Variants in ACTR1A observed in about 807,000 individuals in gnomAD.
ACTR1A encodes alpha-centractin.
Under a neutral mutation model 50.7 loss-of-function variants are expected in ACTR1A, and 10 were observed. The observed-to-expected ratio is 0.20, with a 90% CI of 0.12 to 0.33. The LOEUF (loss-of-function observed/expected upper bound fraction) is 0.33, where lower values mean the gene tolerates loss of function less well. Among genes scored for constraint, ACTR1A ranks in the 10% least tolerant of loss-of-function variants. The pLI is 1.00. For missense variants in ACTR1A, 253 were observed against 491.7 expected, an observed-to-expected ratio of 0.51 and a Z score of 4.59; for synonymous variants, 177 against 184.2, an observed-to-expected ratio of 0.96 and a Z score of 0.32.
chr10:102,481,147 T>G lies in ACTR1A; in HGVS notation c.1013A>C (p.Tyr338Ser). ...IRISAPQERL[Y>S]STWIGGSILA... ...AGCTACTCACCCAATCCACGTGGAA[T>G]ACAGTCTCTCCTGAGGTGCAGATAT... Residue 338 changes from tyrosine to serine, a missense_variant, in exon 10 of 11, where the codon TAT becomes TCT. Tyr to Ser is a moderately radical substitution (Grantham distance 144). Around this residue, in one of 4 missense-constraint regions of ACTR1A, gnomAD observed 27 missense variants for 80.7 expected, o/e 0.33. Coordinates refer to ENST00000369905, the MANE Select transcript of ACTR1A (RefSeq NM_005736.4). The G allele has an allele frequency of 6.2e-7, 1 of 1,607,852 alleles. No individual in the cohort carries two copies. Among genetic ancestry groups the G allele is most frequent in the Non-Finnish European group, 8.5e-7 (1 of 1,176,650 alleles).
At chr10:102,491,655 C>G (rs1165812159) in intron 1 of ACTR1A, among the ~76,000 whole-genome samples, 3 of 152,232 alleles carry the variant, frequency 2.0e-5, no homozygotes. Context: ...GTTCTCCCAG[C>G]ATCTCAGGTA....
chr10:102,502,052 C>T (rs557558606), intron 1 of ACTR1A, among the ~76,000 whole-genome samples: 3 of 152,220 alleles, frequency 2.0e-5, no homozygotes, highest in Non-Finnish European at 4.4e-5. Context: ...AAAACTTAGC[C>T]GTTCTCCACC....
chr10:102,500,427 G>A (rs759716518), intron 1 of ACTR1A, among the ~76,000 whole-genome samples: 2 of 152,150 alleles, frequency 1.3e-5, no homozygotes, highest in East Asian at 3.9e-4. Flanking sequence ...AAATTAGCCG[G>A]GCGAGGTGAC....
rs1300481651 is a variant in ACTR1A, at chr10:102,481,901, G to A, written c.926-3C>T. 1 of 1,612,892 alleles carries A rather than the reference G, an allele frequency of 6.2e-7. No homozygotes were observed. The highest frequency in any genetic ancestry group is 8.5e-7 in the Non-Finnish European group (1 of 1,180,030). On this transcript the variant is annotated splice_polypyrimidine_tract_variant and splice_region_variant and intron_variant, in intron 8 of 10. Coordinates refer to ENST00000369905, the MANE Select transcript of ACTR1A (RefSeq NM_005736.4). ...ACTCAGGAGCCTGTCACCAAAACCT[G>A]AATGGGCAAAGAGGAGAACTTCAAG...
Position 102,479,616 on chromosome 10 carries a change from C to T in ACTR1A, c.*1247G>A, listed in dbSNP as rs1412529829. 1.6e-6 allele frequency: 2 copies of T among 1,289,454 alleles called. No homozygotes were observed. Among genetic ancestry groups the T allele is most frequent in the South Asian group, 2.5e-5 (2 of 81,028 alleles). The allele number at this position is 1,289,454 out of a possible 1,614,324, so 79.9% of individuals were successfully genotyped here. A position where few individuals can be genotyped will look rare whatever the true frequency, so the allele number is the denominator to read the frequency against. Reference sequence around the variant, plus strand: ...CTGGCACTCTGGTCTGGCCCACTCCCTCCTTAACCAAGCAGGTCCAAGGTC... The same window carrying T: ...CTGGCACTCTGGTCTGGCCCACTCCTTCCTTAACCAAGCAGGTCCAAGGTC... On this transcript the variant is annotated 3_prime_UTR_variant, in exon 11 of 11. Transcript: ENST00000369905. The surrounding 1 kb of genome is among the most constrained non-coding windows in gnomAD (Gnocchi z 4.0).
At chr10:102,481,683 C>T (rs1169180639) in intron 9 of ACTR1A, among the ~76,000 whole-genome samples, 154 bp downstream of exon 9, 1 of 152,194 alleles carries the variant, frequency 6.6e-6, no homozygotes, top group East Asian at 1.9e-4. Context: ...CTGACCTAGA[C>T]CTCAGGGTCA....
At chr10:102,496,958 C>A (rs1378443850) in intron 1 of ACTR1A, among the ~76,000 whole-genome samples, 2 of 151,744 alleles carry the variant, frequency 1.3e-5, no homozygotes, top group African/African-American at 2.4e-5. Flanking sequence ...GCGGGTGGAT[C>A]CTTTGAGGCC....
Position 102,502,691 on chromosome 10 carries a change from G to C in ACTR1A, c.-44C>G, listed in dbSNP as rs769748898. On this transcript the variant is annotated 5_prime_UTR_variant, in exon 1 of 11. Coordinates refer to ENST00000369905, the MANE Select transcript of ACTR1A (RefSeq NM_005736.4). ...TCTGGGGAAGGAACTGCCCAGCCGGGTCCGCCGCTAGCGCCACTGACACGC... is the reference window on the plus strand; with the variant it reads ...TCTGGGGAAGGAACTGCCCAGCCGGCTCCGCCGCTAGCGCCACTGACACGC... 2.5e-6 allele frequency: 4 copies of C among 1,609,440 alleles called. No homozygotes were observed. Among genetic ancestry groups the C allele is most frequent in the Admixed American group, 1.7e-5 (1 of 59,884 alleles).
intron 4 of ACTR1A, among the ~76,000 whole-genome samples, chr10:102,486,530 A>G (rs2062168891): frequency 6.6e-6 from 1 of 152,072 alleles, no homozygotes; most frequent in Non-Finnish European, 1.5e-5. Context: ...TCTCTACTAA[A>G]AATACAAAAT....
chr10:102,488,365 T>C lies in ACTR1A; in HGVS notation c.190-90A>G. ...ACTAAGCAGTGCAAGCTGAATCCCT[T>C]GCAAAGAAGCCTCAGCTTCCTGAGC... On this transcript the variant is annotated intron_variant, in intron 3 of 10. Transcript: ENST00000369905. This position sits in a 1 kb window ranked among gnomAD's most constrained non-coding sequence, Gnocchi z 4.4. 1 of 1,549,640 alleles carries C rather than the reference T, an allele frequency of 6.5e-7. No individual in the cohort carries two copies. Among genetic ancestry groups the C allele is most frequent in the Admixed American group, 1.7e-5 (1 of 58,370 alleles).
At chr10:102,493,472 T>A (rs1303663210) in intron 1 of ACTR1A, among the ~76,000 whole-genome samples, 1 of 152,216 alleles carries the variant, frequency 6.6e-6, no homozygotes, top group Non-Finnish European at 1.5e-5. Flanking sequence ...GCAAAAGGAC[T>A]AGAGTCTGGG....
rs763201310 is a variant in ACTR1A, at chr10:102,483,041, C to T, written c.720G>A (p.Gln240=). ...TGGTGCTGCCATCAGGCAGGTAGTACTGAGCTTTCTCTGTCTCTAGCGTCT... is the reference window on the plus strand; with the variant it reads ...TGGTGCTGCCATCAGGCAGGTAGTATTGAGCTTTCTCTGTCTCTAGCGTCT... ...KDETLETEKA[Q]YYLPDGSTIE... The change falls in exon 7 of 11, where the codon CAG becomes CAA. Residue 240 remains glutamine (Q), a synonymous_variant. Coordinates refer to ENST00000369905, the MANE Select transcript of ACTR1A (RefSeq NM_005736.4). 2.5e-6 allele frequency: 4 copies of T among 1,614,104 alleles called. No homozygotes were observed. The East Asian group carries it at 8.9e-5, about 36-fold the overall frequency.
chr10:102,481,790 C>A, intron 9 of ACTR1A, 47 bp downstream of exon 9: 2 of 1,604,704 alleles, frequency 1.2e-6, no homozygotes, highest in Non-Finnish European at 1.7e-6. Context: ...GGCACTCTGT[C>A]CATGGAAGCC....
chr10:102,480,424 T>C lies in ACTR1A; in HGVS notation c.*439A>G, dbSNP rs1442974458. On this transcript the variant is annotated 3_prime_UTR_variant, in exon 11 of 11. Coordinates refer to ENST00000369905, the MANE Select transcript of ACTR1A (RefSeq NM_005736.4). ...TCAGTGTGCAGTCAGGAGGCATCGA[T>C]AGTGGAGGCAGCAGCTGCCTGGGGC... The C allele has an allele frequency of 1.5e-5, 3 of 206,466 alleles. No individual in the cohort carries two copies. Among genetic ancestry groups the C allele is most frequent in the East Asian group, 1.3e-4 (1 of 7,774 alleles). 12.8% of individuals were successfully genotyped at this position (206,466 alleles called of 1,614,324 possible). A position where few individuals can be genotyped will look rare whatever the true frequency, so the allele number is the denominator to read the frequency against.
Position 102,484,221 on chromosome 10 carries a change from C to A in ACTR1A, c.596G>T (p.Arg199Leu). 6.2e-7 allele frequency: 1 copy of A among 1,614,214 alleles called. No homozygotes were observed. Among genetic ancestry groups the A allele is most frequent in the Non-Finnish European group, 8.5e-7 (1 of 1,180,040 alleles). ...TGAGTGGAAGTCGTAGCCCTCCTTA[C>A]GCAGGTAGAGGCGCAGGAAGCGAGA... ...DVSRFLRLYL[R>L]KEGYDFHSSS... Residue 199 changes from arginine (R) to leucine (L), a missense_variant, in exon 6 of 11, where the codon CGT becomes CTT. By Grantham distance (102) the Arg-to-Leu change is moderately radical. Coordinates refer to ENST00000369905, the MANE Select transcript of ACTR1A (RefSeq NM_005736.4).
At position 102,481,845 on chromosome 10, in the gene ACTR1A, T is replaced by G; in HGVS notation, c.979A>C (p.Lys327Gln). The change falls in exon 9 of 11, where the codon AAG becomes CAG. Residue 327 changes from lysine to glutamine, a missense_variant. Coordinates refer to ENST00000369905, the MANE Select transcript of ACTR1A (RefSeq NM_005736.4). ...CCCCACCATGCTCCTACCCTGATCT[T>G]CACATCTTTTGGAGCTAGTTTCTTC... ...EVKKLAPKDV[K>Q]IRISAPQERL... is the part of the protein sequence containing the mutation. 6.2e-7 allele frequency: 1 copy of G among 1,612,262 alleles called. No homozygotes were observed. The highest frequency in any genetic ancestry group is 8.5e-7 in the Non-Finnish European group (1 of 1,180,010).
intron 4 of ACTR1A, among the ~76,000 whole-genome samples, chr10:102,486,790 C>CTTT (rs201428036): frequency 2.1e-5 from 3 of 144,402 alleles, no homozygotes; most frequent in Non-Finnish European, 4.5e-5. Context: ...TTCTTTCTTT[C>CTTT]TTTTTTTTTT....
At chr10:102,502,508 A>T in intron 1 of ACTR1A, 92 bp downstream of exon 1, 1 of 1,437,186 alleles carries the variant, frequency 7.0e-7, no homozygotes. Flanking sequence ...GGCCAGTGAC[A>T]AAGAGCCGGC....
chr10:102,494,782 A>G (rs975391181), intron 1 of ACTR1A, among the ~76,000 whole-genome samples: 1 of 152,192 alleles, frequency 6.6e-6, no homozygotes, highest in Non-Finnish European at 1.5e-5. Flanking sequence ...ACATGGCAAA[A>G]CGCTGTCTCT....
Sources: allele counts gnomAD v4.1 joint callset (sites outside exome capture counted in the v4.1 genomes callset), GRCh38; gene constraint gnomAD v4.1.1; regional missense constraint gnomAD v4.1.1; non-coding constraint Gnocchi (gnomAD v3.1); transcripts MANE v1.5; gene names NCBI Gene and HGNC (gene_info 2026-07-23, HGNC 2026-07-21).